The following SLAMF9 variants were observed in gnomAD, a reference collection of about 807,000 sequenced individuals.
The protein encoded by SLAMF9 is SLAM family member 9.
SLAMF9 carries 25 observed loss-of-function variants against 30.4 expected under a neutral mutation model. The ratio of observed to expected loss-of-function variants is 0.82; its 90% CI spans 0.60 to 1.15. SLAMF9 has a LOEUF of 1.15. SLAMF9 is among the 50% of genes most tolerant of loss of function. The pLI, the probability that SLAMF9 is intolerant of heterozygous loss-of-function variation, is 0.00. For missense variants in SLAMF9, 344 were observed against 346.1 expected (o/e 0.99, Z 0.05); for synonymous variants, 129 against 127.2 (o/e 1.01, Z -0.09).
the SLAMF9 span, among the ~76,000 whole-genome samples, chr1:159,964,531 C>T: frequency 6.6e-6 from 1 of 152,070 alleles, no homozygotes; most frequent in East Asian, 1.9e-4. Flanking sequence ...AAATGGTGTG[C>T]TCTCGCTAAA....
chr1:159,951,813 C>T lies in SLAMF9; in HGVS notation c.718G>A (p.Gly240Arg), dbSNP rs866515610. ...ACCAAGAGCAAGAAGATGAGCAATC[C>T]CTTGGCCAGGAGGCAGAAGGCTGTT... ...PSTAFCLLAK[G>R]LLIFLLLVIL... Residue 240 changes from glycine to arginine, a missense_variant, in exon 4 of 4, where the codon GGA becomes AGA. Coordinates refer to ENST00000368093, the MANE Select transcript of SLAMF9 (RefSeq NM_033438.4). 1 of 1,614,130 alleles carries T rather than the reference C, an allele frequency of 6.2e-7. No individual in the cohort carries two copies.
chr1:159,956,996 C>G (rs2101892969), upstream of SLAMF9, among the ~76,000 whole-genome samples: 1 of 151,778 alleles, frequency 6.6e-6, no homozygotes, highest in African/African-American at 2.4e-5. Context: ...GTGGCGGGTG[C>G]CTGTAGTCTC....
At chr1:159,964,161 C>T in the SLAMF9 span, among the ~76,000 whole-genome samples, 1 of 152,192 alleles carries the variant, frequency 6.6e-6, no homozygotes, top group Non-Finnish European at 1.5e-5. Context: ...ACCTACTTAT[C>T]AAGGTCCCCC....
At chr1:159,968,627 G>T in the SLAMF9 span, among the ~76,000 whole-genome samples, 2 of 152,256 alleles carry the variant, frequency 1.3e-5, no homozygotes, top group Admixed American at 1.3e-4. Context: ...AAGGTGGCTC[G>T]GAGTTTGAGT....
rs1026258566 is a variant in SLAMF9 at position 159,951,513 on chromosome 1, T to G, written c.*148A>C. The G allele has an allele frequency of 5.7e-6, 4 of 697,190 alleles. No homozygotes were observed. 43.2% of individuals were successfully genotyped at this position (697,190 alleles called of 1,614,324 possible). Reference sequence around the variant, plus strand: ...AGAGTTGTGGTCACTTAATTTGACTTTATTGCCAGCCAGTCTTCCCTCAGA... The same window carrying G: ...AGAGTTGTGGTCACTTAATTTGACTGTATTGCCAGCCAGTCTTCCCTCAGA... On this transcript the variant is annotated 3_prime_UTR_variant, in exon 4 of 4. Transcript: ENST00000368093.
the SLAMF9 span, chr1:159,982,890 G>C: frequency 6.6e-6 from 1 of 152,226 alleles, no homozygotes; most frequent in Non-Finnish European, 1.5e-5. Context: ...TTAGCTGGGT[G>C]TGGTGGCACG....
chr1:159,972,867 C>A, the SLAMF9 span: 21 of 979,134 alleles, frequency 2.1e-5, no homozygotes, highest in South Asian at 6.9e-4. Flanking sequence ...ATGGGAGGCT[C>A]AGCCTGACCA....
At chr1:159,977,097 C>T in the SLAMF9 span, 1 of 152,156 alleles carries the variant, frequency 6.6e-6, no homozygotes, top group Non-Finnish European at 1.5e-5. Context: ...TCACCACAGC[C>T]TGGCTCTACC....
chr1:159,964,701 T>C, the SLAMF9 span, among the ~76,000 whole-genome samples: 1 of 152,148 alleles, frequency 6.6e-6, no homozygotes, highest in Non-Finnish European at 1.5e-5. Flanking sequence ...AAAACTCGGG[T>C]CTCCCGGTGT....
In SLAMF9 at chr1:159,951,868, T is replaced by C. The variant is rs1323515447; in HGVS notation, c.665-2A>G. On this transcript the variant is annotated splice_acceptor_variant, in intron 3 of 3. Transcript: ENST00000368093. LOFTEE classifies it high-confidence loss of function. ...GCTTCTCAGAAGCATAGTTAGGATC[T>C]GGGGTGGAAGAAAGGAGGAAAGGGC... 1.2e-6 allele frequency: 2 copies of C among 1,613,912 alleles called. No individual in the cohort carries two copies. The highest frequency in any genetic ancestry group is 1.1e-5 in the South Asian group (1 of 91,032).
chr1:159,980,108 C>T, the SLAMF9 span, among the ~76,000 whole-genome samples: 1 of 152,180 alleles, frequency 6.6e-6, no homozygotes, highest in Admixed American at 6.5e-5. Context: ...CAACGTGTGT[C>T]TTCCATCCTT....
chr1:159,963,830 G>A, the SLAMF9 span, among the ~76,000 whole-genome samples: 2 of 152,170 alleles, frequency 1.3e-5, no homozygotes, highest in Non-Finnish European at 2.9e-5. Context: ...GGAGGCCGAG[G>A]CGGGCAGATC....
chr1:159,955,796 C>A (rs149577448), upstream of SLAMF9, among the ~76,000 whole-genome samples: 4 of 152,078 alleles, frequency 2.6e-5, no homozygotes, highest in Non-Finnish European at 5.9e-5. Context: ...TAAGATGAGA[C>A]CTTAGTTCTT....
the SLAMF9 span, among the ~76,000 whole-genome samples, chr1:159,959,602 C>T: frequency 1.3e-5 from 2 of 152,112 alleles, no homozygotes; most frequent in Non-Finnish European, 2.9e-5. Context: ...AGGTGCCTGT[C>T]GCCTCTGACT....
chr1:159,968,597 G>A, the SLAMF9 span, among the ~76,000 whole-genome samples: 1 of 152,154 alleles, frequency 6.6e-6, no homozygotes, highest in African/African-American at 2.4e-5. Context: ...GACTGTCTGG[G>A]ATTCTGACCT....
the SLAMF9 span, among the ~76,000 whole-genome samples, chr1:159,975,096 G>A: frequency 7.2e-5 from 11 of 152,158 alleles, no homozygotes; most frequent in South Asian, 2.1e-4. Flanking sequence ...TCATATGTAC[G>A]TCAGAGATCT....
In SLAMF9 at chr1:159,952,274, G is replaced by T. The variant is rs761407882; in HGVS notation, c.652C>A (p.Pro218Thr). Residue 218 changes from proline (P) to threonine (T), a missense_variant, in exon 3 of 4, where the codon CCC (proline) becomes ACC (threonine). Pro to Thr is a conservative substitution (Grantham distance 38). Coordinates refer to ENST00000368093, the MANE Select transcript of SLAMF9 (RefSeq NM_033438.4). ...NVSSCPIPDG[P>T]FYADPNYASE... ...GGGGTTCTGGTACCTGCATAGAAGG[G>T]CCCATCAGGGATGGGGCAAGAACTG... 1.9e-5 allele frequency: 30 copies of T among 1,613,896 alleles called. No homozygotes were observed. The highest frequency in any genetic ancestry group is 2.2e-5 in the Non-Finnish European group (26 of 1,179,986).
chr1:159,981,545 G>T, the SLAMF9 span, among the ~76,000 whole-genome samples: 2 of 152,210 alleles, frequency 1.3e-5, no homozygotes, highest in Non-Finnish European at 2.9e-5. Flanking sequence ...ACCAGGGGGT[G>T]CTGGCAAACA....
the SLAMF9 span, among the ~76,000 whole-genome samples, chr1:159,963,144 G>T: frequency 6.6e-6 from 1 of 152,212 alleles, no homozygotes; most frequent in Non-Finnish European, 1.5e-5. Context: ...GGGAAAATCA[G>T]ATGAACTAAT....
Sources: allele counts gnomAD v4.1 joint callset (sites outside exome capture counted in the v4.1 genomes callset), GRCh38; gene constraint gnomAD v4.1.1; transcripts MANE v1.5; gene names NCBI Gene and HGNC (gene_info 2026-07-23, HGNC 2026-07-21).